The following RUNX2 variants were observed in gnomAD, a reference collection of about 807,000 sequenced individuals.
RUNX2 encodes the protein RUNX family transcription factor 2.
In RUNX2, 10 loss-of-function variants were observed where a neutral mutation model predicts 51.7. The ratio of observed to expected loss-of-function variants is 0.19; its 90% CI spans 0.12 to 0.33. The LOEUF is 0.33. RUNX2 is among the 10% of genes least tolerant of loss of function. The pLI is 1.00. For synonymous variants in RUNX2, 276 were observed against 273.6 expected, an observed-to-expected ratio of 1.01 and a Z score of -0.09; for missense variants, 562 against 691.3, an observed-to-expected ratio of 0.81 and a Z score of 2.10.
Position 45,332,932 on chromosome 6 carries a change from G to A in RUNX2, c.58+4148G>A, listed in dbSNP as rs532069593. Reference sequence around the variant, plus strand: ...TATTTTTTCTCCTATACCAATGAACGCTGCAACTTCCACTGAAGATAGATA... The same window carrying A: ...TATTTTTTCTCCTATACCAATGAACACTGCAACTTCCACTGAAGATAGATA... On this transcript the variant is annotated intron_variant, in intron 2 of 8. Coordinates refer to ENST00000647337, the MANE Select transcript of RUNX2 (RefSeq NM_001024630.4). 6.6e-5 allele frequency among the ~76,000 whole-genome samples: 10 copies of A among 151,490 alleles called. No individual in the cohort carries two copies. In the South Asian group the frequency reaches 8.3e-4, roughly 13 times the overall value.
At chr6:45,507,862 G>A (rs1218950300) in intron 6 of RUNX2, among the ~76,000 whole-genome samples, 1 of 152,110 alleles carries the variant, frequency 6.6e-6, no homozygotes, top group African/African-American at 2.4e-5. Context: ...ATAAAATGAA[G>A]GTTCAGTAAG....
intron 6 of RUNX2, among the ~76,000 whole-genome samples, chr6:45,495,587 G>A (rs1018839168): frequency 3.3e-5 from 5 of 152,184 alleles, no homozygotes; most frequent in Admixed American, 3.3e-4. Flanking sequence ...GTTTGTAACA[G>A]GAAGGGCCCA....
chr6:45,394,566 C>G (rs575435238), intron 2 of RUNX2, among the ~76,000 whole-genome samples: 2 of 152,132 alleles, frequency 1.3e-5, no homozygotes, highest in Non-Finnish European at 2.9e-5. Flanking sequence ...AGGAAGTGTT[C>G]CATAATTTTA....
intron 5 of RUNX2, among the ~76,000 whole-genome samples, chr6:45,467,400 G>A (rs1799665196): frequency 6.6e-6 from 1 of 152,048 alleles, no homozygotes; most frequent in African/African-American, 2.4e-5. Flanking sequence ...ACCTACCTCA[G>A]CCTCCCAAGT....
At chr6:45,411,955 G>A (rs992891201) in intron 2 of RUNX2, among the ~76,000 whole-genome samples, 14 of 152,098 alleles carry the variant, frequency 9.2e-5, no homozygotes, top group African/African-American at 3.1e-4. Flanking sequence ...TATCTTACTT[G>A]AAAATAATAA....
chr6:45,392,187 G>A (rs1797484662), intron 2 of RUNX2, among the ~76,000 whole-genome samples: 1 of 152,094 alleles, frequency 6.6e-6, no homozygotes, highest in South Asian at 2.1e-4. Context: ...CAAGCTAATA[G>A]AACATTTTAT....
intron 5 of RUNX2, among the ~76,000 whole-genome samples, chr6:45,491,163 C>T (rs1582167914): frequency 1.3e-5 from 2 of 152,168 alleles, no homozygotes; most frequent in African/African-American, 4.8e-5. Flanking sequence ...GGCTCCCCCC[C>T]TCCGCCAAAT....
chr6:45,511,321 C>T (rs1388659281), intron 6 of RUNX2, among the ~76,000 whole-genome samples: 1 of 152,082 alleles, frequency 6.6e-6, no homozygotes, highest in Non-Finnish European at 1.5e-5. Context: ...GCTGACTGCC[C>T]ATTAGTTTTA....
intron 3 of RUNX2, among the ~76,000 whole-genome samples, chr6:45,429,453 C>T (rs1798476154): frequency 6.6e-6 from 1 of 152,194 alleles, no homozygotes; most frequent in African/African-American, 2.4e-5. Flanking sequence ...TTGAAAAGCA[C>T]ATTGCCTCCA....
chr6:45,506,428 G>A (rs1800968403), intron 6 of RUNX2, among the ~76,000 whole-genome samples: 1 of 152,142 alleles, frequency 6.6e-6, no homozygotes, highest in South Asian at 2.1e-4. Flanking sequence ...GTCATCTTTA[G>A]TGATACGTAG....
chr6:45,396,119 C>A (rs1797575871), intron 2 of RUNX2, among the ~76,000 whole-genome samples: 1 of 152,122 alleles, frequency 6.6e-6, no homozygotes, highest in African/African-American at 2.4e-5. Context: ...AAAAAACTCT[C>A]CTAATAGATA....
intron 2 of RUNX2, among the ~76,000 whole-genome samples, chr6:45,343,910 A>C (rs1790328499): frequency 6.6e-6 from 1 of 152,186 alleles, no homozygotes; most frequent in Non-Finnish European, 1.5e-5. Context: ...TCCACCTGAC[A>C]GGTCTACAGG....
intron 6 of RUNX2, among the ~76,000 whole-genome samples, chr6:45,506,515 A>G (rs528787300): frequency 2.8e-4 from 43 of 152,210 alleles, no homozygotes; most frequent in Non-Finnish European, 5.4e-4. Context: ...TATCATATCC[A>G]TATAAAAACA....
intron 2 of RUNX2, among the ~76,000 whole-genome samples, chr6:45,392,706 T>A (rs995408193): frequency 1.7e-5 from 1 of 58,956 alleles, no homozygotes; most frequent in African/African-American, 4.4e-5. Flanking sequence ...TGCCTAGATC[T>A]ATTTTTTTTT....
intron 5 of RUNX2, among the ~76,000 whole-genome samples, chr6:45,468,787 AC>A (rs1190934207): frequency 6.6e-6 from 1 of 152,188 alleles, no homozygotes; most frequent in Non-Finnish European, 1.5e-5. Flanking sequence ...CCATTGCAGG[AC>A]AACTGGCATC....
intron 7 of RUNX2, among the ~76,000 whole-genome samples, chr6:45,522,577 G>A (rs1292856343): frequency 6.6e-6 from 1 of 152,204 alleles, no homozygotes; most frequent in Non-Finnish European, 1.5e-5. Flanking sequence ...GGATATGGAG[G>A]ATCTTGTCTT....
At chr6:45,415,372 G>A (rs1299111253) in intron 2 of RUNX2, among the ~76,000 whole-genome samples, 2 of 152,282 alleles carry the variant, frequency 1.3e-5, no homozygotes, top group Middle Eastern at 3.4e-3. Context: ...TCTCAACCAA[G>A]GCTGAATCCA....
intron 5 of RUNX2, among the ~76,000 whole-genome samples, chr6:45,480,849 TTCTG>T (rs1800093290): frequency 6.6e-6 from 1 of 152,226 alleles, no homozygotes; most frequent in African/African-American, 2.4e-5. Flanking sequence ...GCCTCCTTTT[TTCTG>T]TCTTTTTCTT....
At chr6:45,529,191 A>G (rs1046527576) in intron 7 of RUNX2, among the ~76,000 whole-genome samples, 9 of 152,202 alleles carry the variant, frequency 5.9e-5, no homozygotes, top group African/African-American at 1.9e-4. Flanking sequence ...CCATTTCTCC[A>G]TGGACACAGC....
Sources: gnomAD v4.1 joint callset for allele counts (sites outside exome capture counted in the v4.1 genomes callset) on GRCh38, gnomAD v4.1.1 for gene constraint, MANE v1.5 for transcripts, NCBI Gene and HGNC (gene_info 2026-07-23, HGNC 2026-07-21) for gene names.